Variants in CDKAL1 observed in about 807,000 individuals in gnomAD.
CDKAL1 encodes threonylcarbamoyladenosine tRNA methylthiotransferase.
A neutral mutation model predicts 68.2 loss-of-function variants in CDKAL1; 32 were observed. That is an observed-to-expected ratio of 0.47 (90% CI 0.35 to 0.63). The LOEUF is 0.63. Among genes scored for constraint, CDKAL1 ranks in the 30% least tolerant of loss-of-function variants. The pLI is 0.00. For missense variants in CDKAL1, 606 were observed against 696.7 expected (o/e 0.87, Z 1.47); for synonymous variants, 234 against 244.3 (o/e 0.96, Z 0.39).
chr6:20,663,241 T>TTA (rs1769370926), intron 5 of CDKAL1, among the ~76,000 whole-genome samples: 1 of 151,848 alleles, frequency 6.6e-6, no homozygotes, highest in Non-Finnish European at 1.5e-5. Context: ...TGTTTTTTTT[T>TTA]CTTTTGTTTT....
intron 15 of CDKAL1, among the ~76,000 whole-genome samples, chr6:21,204,290 A>G (rs1257090782): frequency 1.3e-5 from 2 of 152,118 alleles, no homozygotes; most frequent in African/African-American, 4.8e-5. Context: ...CCTATTACCC[A>G]CCCTTAGCAG....
intron 4 of CDKAL1, among the ~76,000 whole-genome samples, chr6:20,645,854 A>C (rs950886894): frequency 1.3e-5 from 2 of 151,692 alleles, no homozygotes; most frequent in African/African-American, 4.8e-5. Flanking sequence ...AGACAGAAAC[A>C]TACACATGAG....
At chr6:21,112,290 C>A in intron 13 of CDKAL1, among the ~76,000 whole-genome samples, 1 of 152,312 alleles carries the variant, frequency 6.6e-6, no homozygotes, top group African/African-American at 2.4e-5. Flanking sequence ...GCCAAACACA[C>A]ATGTTTATAA....
intron 10 of CDKAL1, among the ~76,000 whole-genome samples, chr6:20,983,342 C>A (rs1365921004): frequency 1.3e-5 from 2 of 152,072 alleles, no homozygotes; most frequent in Non-Finnish European, 2.9e-5. Flanking sequence ...CTGACATAAC[C>A]AAACTGAGGA....
intron 4 of CDKAL1, among the ~76,000 whole-genome samples, chr6:20,645,774 AT>A (rs1451013957): frequency 2.1e-4 from 12 of 58,252 alleles, no homozygotes; most frequent in South Asian, 7.0e-4. Flanking sequence ...AAATAATTTT[AT>A]TTTATTTATT....
chr6:20,769,075 T>A (rs750052993), intron 7 of CDKAL1, among the ~76,000 whole-genome samples: 9 of 152,126 alleles, frequency 5.9e-5, no homozygotes, highest in Admixed American at 2.0e-4. Flanking sequence ...ACATGGTCCC[T>A]GAACACACGT....
At chr6:20,713,299 A>T (rs58728282) in intron 5 of CDKAL1, among the ~76,000 whole-genome samples, 11,437 of 152,212 alleles carry the variant, frequency 0.075, 1,399 homozygotes, top group African/African-American at 0.25. Context: ...CTTCTAATGA[A>T]TCAGGAGTGA....
At position 21,161,849 on chromosome 6, in the gene CDKAL1, A is replaced by G. The variant is rs114234089; in HGVS notation, c.1300-36172A>G. On this transcript the variant is annotated intron_variant, in intron 13 of 15. Coordinates refer to ENST00000274695, the MANE Select transcript of CDKAL1 (RefSeq NM_017774.3). Reference sequence around the variant, plus strand: ...GATTTTAAATCTCAAAGGGCTCATAATTGTTGTCATTTTCTACTAAAAGCT... The same window carrying G: ...GATTTTAAATCTCAAAGGGCTCATAGTTGTTGTCATTTTCTACTAAAAGCT... Among the ~76,000 whole-genome samples, 1,358 of 152,294 alleles carry G rather than the reference A, an allele frequency of 8.9e-3. 12 individuals are homozygous for G. The highest frequency in any genetic ancestry group is 0.017 in the Middle Eastern group (5 of 294).
At chr6:20,950,524 T>A (rs1453521107) in intron 9 of CDKAL1, among the ~76,000 whole-genome samples, 1 of 152,228 alleles carries the variant, frequency 6.6e-6, no homozygotes. Context: ...AAGTAAAAGC[T>A]GATTAATTTA....
chr6:20,936,939 T>G (rs538636390), intron 9 of CDKAL1, among the ~76,000 whole-genome samples: 1 of 152,306 alleles, frequency 6.6e-6, no homozygotes, highest in East Asian at 1.9e-4. Flanking sequence ...AGGTTTCACG[T>G]ATTCTGAGTC....
intron 9 of CDKAL1, among the ~76,000 whole-genome samples, chr6:20,862,736 A>G (rs983964514): frequency 2.0e-5 from 3 of 152,182 alleles, no homozygotes; most frequent in African/African-American, 7.2e-5. Context: ...ATTTAAGAAG[A>G]AACACTGAGG....
chr6:20,808,279 A>G (rs1459226018), intron 8 of CDKAL1, among the ~76,000 whole-genome samples: 2 of 152,034 alleles, frequency 1.3e-5, no homozygotes, highest in African/African-American at 4.8e-5. Context: ...TGCATTTATT[A>G]TTTTTATTAT....
intron 12 of CDKAL1, among the ~76,000 whole-genome samples, chr6:21,080,204 T>C (rs1362274369): frequency 6.6e-6 from 1 of 151,940 alleles, no homozygotes; most frequent in Non-Finnish European, 1.5e-5. Flanking sequence ...ATAACAAAAA[T>C]TGTTGTTAAG....
intron 5 of CDKAL1, among the ~76,000 whole-genome samples, chr6:20,684,993 T>A (rs1255537429): frequency 6.6e-6 from 1 of 152,218 alleles, no homozygotes; most frequent in Non-Finnish European, 1.5e-5. Flanking sequence ...CAGAGCAAAA[T>A]TTTATAATTT....
At chr6:20,811,538 G>T (rs1031957264) in intron 8 of CDKAL1, among the ~76,000 whole-genome samples, 8 of 151,996 alleles carry the variant, frequency 5.3e-5, no homozygotes, top group Admixed American at 3.9e-4. Context: ...TTTGCTAATT[G>T]CATCCTCATG....
intron 4 of CDKAL1, among the ~76,000 whole-genome samples, chr6:20,586,148 C>T (rs542079611): frequency 6.6e-6 from 1 of 152,280 alleles, no homozygotes; most frequent in East Asian, 1.9e-4. Context: ...TTATCACCTT[C>T]ACTTAGGCTA....
intron 8 of CDKAL1, among the ~76,000 whole-genome samples, chr6:20,791,312 T>C (rs1775890062): frequency 6.6e-6 from 1 of 152,240 alleles, no homozygotes; most frequent in African/African-American, 2.4e-5. Context: ...TATTATTAAC[T>C]TTATTACTAT....
intron 8 of CDKAL1, among the ~76,000 whole-genome samples, chr6:20,792,974 A>G (rs1775960363): frequency 6.6e-6 from 1 of 152,218 alleles, no homozygotes; most frequent in Non-Finnish European, 1.5e-5. Context: ...AATGTATCAG[A>G]CTTGTTTCAA....
intron 10 of CDKAL1, among the ~76,000 whole-genome samples, chr6:20,991,412 A>G (rs1348437848): frequency 6.6e-6 from 1 of 152,078 alleles, no homozygotes; most frequent in Non-Finnish European, 1.5e-5. Flanking sequence ...AATGGTTCAA[A>G]ATCAACCAGT....
Sources: gnomAD v4.1 joint callset for allele counts (sites outside exome capture counted in the v4.1 genomes callset) on GRCh38, gnomAD v4.1.1 for gene constraint, MANE v1.5 for transcripts, NCBI Gene and HGNC (gene_info 2026-07-23, HGNC 2026-07-21) for gene names.